The following COL11A1 variants were observed in gnomAD, a reference collection of about 807,000 sequenced individuals.
COL11A1 encodes collagen alpha-1(XI) chain.
A neutral mutation model predicts 265.2 loss-of-function variants in COL11A1; 74 were observed. The observed-to-expected ratio is 0.28, with a 90% CI of 0.23 to 0.34. COL11A1 has a LOEUF of 0.34. COL11A1 is among the 10% of genes least tolerant of loss of function. COL11A1 has a pLI of 1.00. For missense variants in COL11A1, 2,165 were observed against 2,263.6 expected (o/e 0.96, Z 0.88); for synonymous variants, 816 against 727.6 (o/e 1.12, Z -1.96).
chr1:102,982,043 CCCAGTTTTTCATT>C (rs1557900778), intron 31 of COL11A1, among the ~76,000 whole-genome samples: 18 of 151,896 alleles, frequency 1.2e-4, no homozygotes, highest in African/African-American at 4.1e-4. Context: ...TTTTGGATGT[CCCAGTTTTTCATT>C]TTTGATGTCC....
chr1:102,944,233 G>A (rs571633321), intron 42 of COL11A1, among the ~76,000 whole-genome samples: 2 of 152,178 alleles, frequency 1.3e-5, no homozygotes, highest in Admixed American at 1.3e-4. Flanking sequence ...TTTGAAAAGA[G>A]GAAGAAGTAA....
At position 102,979,667 on chromosome 1, in the gene COL11A1, G is replaced by A. The variant is rs2622846; in HGVS notation, c.2557-232C>T. 0.26 allele frequency: 150,966 copies of A among 586,200 alleles called. 20,670 individuals are homozygous for A. The highest frequency in any genetic ancestry group is 0.38 in the African/African-American group (20,308 of 53,194). The allele number at this position is 586,200 out of a possible 1,614,324, so 36.3% of individuals were successfully genotyped here. A position where few individuals can be genotyped will look rare whatever the true frequency, so the allele number is the denominator to read the frequency against. On this transcript the variant is annotated intron_variant, in intron 31 of 66. Coordinates refer to ENST00000370096, the MANE Select transcript of COL11A1 (RefSeq NM_001854.4). Reference sequence around the variant, plus strand: ...AACATTTTAGTTTTTAACCTTCTGAGTAAATGAATTAATCAAGTATTATTT... The same window carrying A: ...AACATTTTAGTTTTTAACCTTCTGAATAAATGAATTAATCAAGTATTATTT...
intron 54 of COL11A1, among the ~76,000 whole-genome samples, chr1:102,900,934 A>G (rs1366600974): frequency 6.6e-6 from 1 of 152,164 alleles, no homozygotes; most frequent in Non-Finnish European, 1.5e-5. Context: ...AAAAGCAGAT[A>G]TACTTTTCCT....
chr1:103,001,397 A>G (rs1665095909), intron 24 of COL11A1: 1 of 400,356 alleles, frequency 2.5e-6, no homozygotes, highest in Non-Finnish European at 4.4e-6. Flanking sequence ...ACAAAATATT[A>G]CTCAAGGAAT....
In COL11A1 at chr1:102,888,859, T is replaced by C. The variant is rs1429524229; in HGVS notation, c.4518+7A>G. ...TACCTTATAAGGTTATTTTGTCTTG[T>C]ACTTACTGGTAAACCTGGAGGACCA... On this transcript the variant is annotated splice_region_variant and intron_variant, in intron 60 of 66. Coordinates refer to ENST00000370096, the MANE Select transcript of COL11A1 (RefSeq NM_001854.4). The C allele has an allele frequency of 6.2e-7, 1 of 1,612,700 alleles. No individual in the cohort carries two copies. Among genetic ancestry groups the C allele is most frequent in the Non-Finnish European group, 8.5e-7 (1 of 1,178,722 alleles).
At position 102,978,824 on chromosome 1, in the gene COL11A1, A is replaced by G; in HGVS notation, c.2709+36T>C. 11 of 1,613,934 alleles carry G rather than the reference A, an allele frequency of 6.8e-6. 1 individual carries two copies. The highest frequency in any genetic ancestry group is 2.2e-5 in the East Asian group (1 of 44,858). ...TAGCATCTGCCTGGAAAAAAAATCTACAGTAACATCCAAACAGAAAAAGTA... is the reference window on the plus strand; with the variant it reads ...TAGCATCTGCCTGGAAAAAAAATCTGCAGTAACATCCAAACAGAAAAAGTA... On this transcript the variant is annotated intron_variant, in intron 34 of 66. Transcript: ENST00000370096.
chr1:103,055,918 C>T (rs1670211531), intron 4 of COL11A1, among the ~76,000 whole-genome samples: 1 of 152,090 alleles, frequency 6.6e-6, no homozygotes, highest in African/African-American at 2.4e-5. Context: ...CAGCCCAACT[C>T]TCTTGCTGTT....
chr1:103,021,674 C>T (rs764159582), intron 9 of COL11A1, 33 bp downstream of exon 9: 1 of 1,477,172 alleles, frequency 6.8e-7, no homozygotes, highest in Non-Finnish European at 9.5e-7. Flanking sequence ...GCAATTTTAC[C>T]AACCTTTAAA....
chr1:102,928,130 A>T (rs1378892323), intron 46 of COL11A1, among the ~76,000 whole-genome samples: 1 of 151,854 alleles, frequency 6.6e-6, no homozygotes, highest in Admixed American at 6.6e-5. Context: ...TTTAAGTTTT[A>T]GGGTACATGT....
chr1:102,881,708 T>G lies in COL11A1; in HGVS notation c.5029A>C (p.Arg1677=). 1 of 1,612,260 alleles carries G rather than the reference T, an allele frequency of 6.2e-7. No homozygotes were observed. Among genetic ancestry groups the G allele is most frequent in the Non-Finnish European group, 8.5e-7 (1 of 1,178,778 alleles). Reference sequence around the variant, plus strand: ...AGGTAATAACATACCAGTTTTCCCCTCTTAAATTCACTAAACCAACTTCCT... The same window carrying G: ...AGGTAATAACATACCAGTTTTCCCCGCTTAAATTCACTAAACCAACTTCCT... The part of the protein sequence containing the change: ...KPGSWFSEFK[R]GKLLSYLDVE... Residue 1677 remains arginine (R), a synonymous_variant, in exon 65 of 67, where the codon AGG becomes CGG. Coordinates refer to ENST00000370096, the MANE Select transcript of COL11A1 (RefSeq NM_001854.4).
chr1:103,053,147 A>G (rs1669963482), intron 4 of COL11A1, among the ~76,000 whole-genome samples: 3 of 152,144 alleles, frequency 2.0e-5, no homozygotes, highest in African/African-American at 4.8e-5. Flanking sequence ...TAGAAATCCA[A>G]ATTAAACAGG....
rs749485063 is a variant in COL11A1 at position 103,025,993 on chromosome 1, A to G, written c.897+223T>C. The G allele has an allele frequency of 2.9e-5, 46 of 1,583,518 alleles. 1 individual carries two copies. The Admixed American group carries it at 7.7e-4, about 26-fold the overall frequency. ...AAAGATGGAATGGAAAACATAAATAAACGAGGAGGGAAATATAGAGCACAG... is the reference window on the plus strand; with the variant it reads ...AAAGATGGAATGGAAAACATAAATAGACGAGGAGGGAAATATAGAGCACAG... On this transcript the variant is annotated intron_variant, in intron 6 of 66. Coordinates refer to ENST00000370096, the MANE Select transcript of COL11A1 (RefSeq NM_001854.4).
intron 46 of COL11A1, 41 bp downstream of exon 46, chr1:102,934,408 A>T (rs745955911): frequency 6.4e-6 from 9 of 1,398,356 alleles, no homozygotes; most frequent in South Asian, 2.3e-5. Context: ...GGTGAGAAGT[A>T]GGTAGAAATG....
At chr1:102,912,286 G>A (rs1407229732) in intron 53 of COL11A1, 74 bp from the exon 54 acceptor site, 1 of 1,180,040 alleles carries the variant, frequency 8.5e-7, no homozygotes, top group South Asian at 1.4e-5. Context: ...TCAAAATCTG[G>A]ATGGAAACCA....
At chr1:103,011,847 A>G (rs547387447) in intron 14 of COL11A1, among the ~76,000 whole-genome samples, 1 of 152,242 alleles carries the variant, frequency 6.6e-6, no homozygotes, top group South Asian at 2.1e-4. Flanking sequence ...TTTTAGACAA[A>G]AATATTTGAA....
intron 31 of COL11A1, 82 bp downstream of exon 31, chr1:102,984,056 G>A (rs1663297885): frequency 3.0e-6 from 3 of 999,686 alleles, no homozygotes; most frequent in African/African-American, 1.6e-5. Context: ...ATATAGAGAT[G>A]TTACAAATTG....
chr1:102,998,445 CT>C, intron 24 of COL11A1, 82 bp from the exon 25 acceptor site: 1 of 944,592 alleles, frequency 1.1e-6, no homozygotes. Context: ...GAATGAAATT[CT>C]TATCCTGAGT....
chr1:103,081,333 C>A (rs1406333491), intron 2 of COL11A1, among the ~76,000 whole-genome samples: 1 of 151,778 alleles, frequency 6.6e-6, no homozygotes, highest in South Asian at 2.1e-4. Context: ...TTACTCTCTT[C>A]AAAATTCCCA....
At chr1:102,971,439 T>G (rs1661972335) in intron 36 of COL11A1, among the ~76,000 whole-genome samples, 1 of 152,176 alleles carries the variant, frequency 6.6e-6, no homozygotes, top group Non-Finnish European at 1.5e-5. Context: ...CGGGTAGAGA[T>G]AAAAATACTA....
Sources: allele counts gnomAD v4.1 joint callset (sites outside exome capture counted in the v4.1 genomes callset), GRCh38; gene constraint gnomAD v4.1.1; transcripts MANE v1.5; gene names NCBI Gene and HGNC (gene_info 2026-07-23, HGNC 2026-07-21).